The following FSTL4 variants were observed in gnomAD, a reference collection of about 807,000 sequenced individuals.
The protein encoded by FSTL4 is follistatin-related protein 4.
FSTL4 carries 28 observed loss-of-function variants against 78.2 expected under a neutral mutation model. The observed-to-expected ratio is 0.36, with a 90% CI of 0.27 to 0.49. The LOEUF (loss-of-function observed/expected upper bound fraction) is 0.49, where lower values mean the gene tolerates loss of function less well. FSTL4 is among the 20% of genes least tolerant of loss of function. FSTL4 has a pLI of 0.98. For missense variants in FSTL4, 922 were observed against 1,084.9 expected (o/e 0.85, Z 2.11); for synonymous variants, 422 against 440.5 (o/e 0.96, Z 0.53).
At chr5:133,435,786 C>A (rs546752225) in intron 3 of FSTL4, among the ~76,000 whole-genome samples, 78 of 152,296 alleles carry the variant, frequency 5.1e-4, no homozygotes, top group African/African-American at 1.7e-3. Context: ...AGCTCCATGA[C>A]CACAGCATCT....
chr5:133,241,140 C>T (rs1028150271), intron 7 of FSTL4, among the ~76,000 whole-genome samples: 14 of 152,354 alleles, frequency 9.2e-5, no homozygotes, highest in African/African-American at 2.2e-4. Flanking sequence ...AGAGATTCCA[C>T]GTTTAGAGCC....
Position 133,510,239 on chromosome 5 carries a change from G to A in FSTL4, c.160+56947C>T, listed in dbSNP as rs138890308. Among the ~76,000 whole-genome samples, 904 of 152,288 alleles carry A rather than the reference G, an allele frequency of 5.9e-3. 7 individuals carry two copies. The highest frequency in any genetic ancestry group is 0.02 in the African/African-American group (823 of 41,558). On this transcript the variant is annotated intron_variant, in intron 3 of 15. Coordinates refer to ENST00000265342, the MANE Select transcript of FSTL4 (RefSeq NM_015082.2). ...ACCTCGTTGCCTTACCCTCAATGCT[G>A]TGAAACAATAGACAACAGCCCACAG...
chr5:133,370,110 C>T (rs1755261390), intron 4 of FSTL4, among the ~76,000 whole-genome samples: 1 of 152,178 alleles, frequency 6.6e-6, no homozygotes, highest in Non-Finnish European at 1.5e-5. Context: ...TGAACTGTCA[C>T]CGTGCATGTG....
At chr5:133,791,278 GCACACA>G in the FSTL4 span, among the ~76,000 whole-genome samples, 30 of 148,814 alleles carry the variant, frequency 2.0e-4, no homozygotes, top group South Asian at 6.4e-4. Flanking sequence ...ACATGTGCGT[GCACACA>G]CACACACACA....
intron 3 of FSTL4, among the ~76,000 whole-genome samples, chr5:133,411,508 G>A (rs1444148362): frequency 5.3e-5 from 8 of 152,066 alleles, no homozygotes; most frequent in Admixed American, 5.2e-4. Context: ...GTCTTCCAAG[G>A]TCAAGAAGAA....
chr5:133,479,318 A>G (rs1385187442), intron 3 of FSTL4, among the ~76,000 whole-genome samples: 1 of 152,230 alleles, frequency 6.6e-6, no homozygotes, highest in Non-Finnish European at 1.5e-5. Context: ...TTTTGAGTGA[A>G]TCAACCAGAA....
the FSTL4 span, among the ~76,000 whole-genome samples, chr5:133,693,583 G>C: frequency 6.6e-6 from 1 of 152,150 alleles, no homozygotes; most frequent in African/African-American, 2.4e-5. Flanking sequence ...CCTCCCAAGG[G>C]CTCCGACTGC....
intron 3 of FSTL4, among the ~76,000 whole-genome samples, chr5:133,494,610 A>T (rs915455992): frequency 3.9e-5 from 6 of 152,222 alleles, no homozygotes; most frequent in Non-Finnish European, 2.9e-5. Context: ...GCGTCTTTTG[A>T]CCTTCTGGGA....
intron 4 of FSTL4, among the ~76,000 whole-genome samples, chr5:133,352,727 T>C (rs956137543): frequency 5.3e-5 from 8 of 152,182 alleles, no homozygotes; most frequent in Non-Finnish European, 7.4e-5. Context: ...TCTGCGTTAG[T>C]TCACTTAGGA....
intron 6 of FSTL4, among the ~76,000 whole-genome samples, chr5:133,306,423 C>T (rs1042254277): frequency 1.4e-4 from 22 of 152,348 alleles, no homozygotes; most frequent in Middle Eastern, 3.4e-3. Flanking sequence ...GCCCTCTGGT[C>T]AGGATGAGAG....
chr5:133,641,410 T>G, the FSTL4 span, among the ~76,000 whole-genome samples: 1 of 152,160 alleles, frequency 6.6e-6, no homozygotes, highest in African/African-American at 2.4e-5. Context: ...TTTTTAAAAC[T>G]CCCTAAACTT....
chr5:133,259,534 TTTGAG>T (rs1752466307), intron 6 of FSTL4, among the ~76,000 whole-genome samples: 1 of 150,472 alleles, frequency 6.6e-6, no homozygotes, highest in Non-Finnish European at 1.5e-5. Flanking sequence ...TTTTTTTTTT[TTTGAG>T]GAGGAGTCTC....
At chr5:133,674,601 G>A in the FSTL4 span, among the ~76,000 whole-genome samples, 1 of 149,516 alleles carries the variant, frequency 6.7e-6, no homozygotes, top group Non-Finnish European at 1.5e-5. Flanking sequence ...GTGTGTGTGT[G>A]TGTGTGTGTC....
chr5:133,715,276 C>G, the FSTL4 span, among the ~76,000 whole-genome samples: 1 of 152,156 alleles, frequency 6.6e-6, no homozygotes, highest in East Asian at 1.9e-4. Context: ...AAATATCCAG[C>G]TTGATGCTGT....
chr5:133,643,147 G>C, the FSTL4 span, among the ~76,000 whole-genome samples: 1 of 152,148 alleles, frequency 6.6e-6, no homozygotes, highest in Non-Finnish European at 1.5e-5. Context: ...GCATAGGTTT[G>C]AACTCAGCTT....
the FSTL4 span, among the ~76,000 whole-genome samples, chr5:133,631,228 A>G: frequency 6.6e-6 from 1 of 152,112 alleles, no homozygotes; most frequent in South Asian, 2.1e-4. Context: ...AGAATGGGAG[A>G]ATATTTTTGC....
At chr5:133,602,141 A>G (rs530403440) in intron 2 of FSTL4, among the ~76,000 whole-genome samples, 1 of 152,274 alleles carries the variant, frequency 6.6e-6, no homozygotes, top group East Asian at 1.9e-4. Context: ...AAAACTATAT[A>G]TATGATCAAT....
At chr5:133,404,154 A>G (rs1005492094) in intron 3 of FSTL4, among the ~76,000 whole-genome samples, 1 of 152,216 alleles carries the variant, frequency 6.6e-6, no homozygotes, top group Non-Finnish European at 1.5e-5. Flanking sequence ...GCCCTTCACA[A>G]TGGCCCCACA....
chr5:133,285,197 G>T (rs1157531049), intron 6 of FSTL4, among the ~76,000 whole-genome samples: 1 of 152,240 alleles, frequency 6.6e-6, no homozygotes, highest in Non-Finnish European at 1.5e-5. Flanking sequence ...TTATAAATGG[G>T]CAGGGCACTG....
Sources: gnomAD v4.1 joint callset for allele counts (sites outside exome capture counted in the v4.1 genomes callset) on GRCh38, gnomAD v4.1.1 for gene constraint, MANE v1.5 for transcripts, NCBI Gene and HGNC (gene_info 2026-07-23, HGNC 2026-07-21) for gene names.